The following TTC7A variants were observed in gnomAD, a reference collection of about 807,000 sequenced individuals.
TTC7A encodes tetratricopeptide repeat domain 7A, also known as tetratricopeptide repeat protein 7A.
In TTC7A, 110 loss-of-function variants were observed where a neutral mutation model predicts 103.7. That is an observed-to-expected ratio of 1.06 (90% confidence interval 0.91 to 1.24). TTC7A has a LOEUF of 1.24. TTC7A is among the 50% of genes most tolerant of loss of function. TTC7A has a pLI of 0.00. For synonymous variants in TTC7A, 521 were observed against 467.9 expected (o/e 1.11, Z -1.47); for missense variants, 1,340 against 1,116.3 (o/e 1.20, Z -2.86).
chr2:47,068,403 T>C (rs908225356), intron 19 of TTC7A: 1 of 152,200 alleles, frequency 6.6e-6, no homozygotes, highest in Non-Finnish European at 1.5e-5. Context: ...GGCAGGTGGC[T>C]TAGAGGGGTC....
intron 5 of TTC7A, among the ~76,000 whole-genome samples, chr2:46,991,742 A>G (rs757099451): frequency 1.2e-4 from 19 of 152,192 alleles, no homozygotes; most frequent in Non-Finnish European, 2.4e-4. Flanking sequence ...ACACTGAGCT[A>G]AGTGAAGTCT....
chr2:47,057,735 G>A lies in TTC7A; in HGVS notation c.2153-3034G>A, dbSNP rs143975948. On this transcript the variant is annotated intron_variant, in intron 18 of 19. Transcript: ENST00000319190. ...CCCTGGGGGATTCTGCCACAGTGGA[G>A]CCCAGCCCATCTTCCTTGTCCTCTT... 2.4e-3 allele frequency among the ~76,000 whole-genome samples: 365 copies of A among 152,280 alleles called. 4 individuals carry two copies. The highest frequency in any genetic ancestry group is 0.02 in the Admixed American group (302 of 15,304).
At chr2:47,029,527 A>G in intron 15 of TTC7A, 143 bp downstream of exon 15, 1 of 973,650 alleles carries the variant, frequency 1.0e-6, no homozygotes. Context: ...GTGGAGAGAC[A>G]GGGGTGAGGA....
chr2:47,025,979 G>A (rs1029725199), intron 14 of TTC7A, among the ~76,000 whole-genome samples: 3 of 152,228 alleles, frequency 2.0e-5, no homozygotes, highest in African/African-American at 7.2e-5. Flanking sequence ...CTTTGGTGAT[G>A]CATTTTTTAA....
intron 2 of TTC7A, among the ~76,000 whole-genome samples, chr2:46,929,093 G>A (rs1047728361): frequency 1.4e-4 from 22 of 152,146 alleles, no homozygotes; most frequent in African/African-American, 5.3e-4. Flanking sequence ...AACCTGGAAG[G>A]TGGAGGTTGG....
intron 1 of TTC7A, among the ~76,000 whole-genome samples, chr2:46,946,490 C>T (rs995018483): frequency 4.6e-5 from 7 of 152,176 alleles, no homozygotes; most frequent in Non-Finnish European, 1.0e-4. Context: ...GTGGCACAGT[C>T]ATGGCTCCCT....
chr2:47,057,199 G>A (rs1217006984), intron 18 of TTC7A, among the ~76,000 whole-genome samples: 1 of 152,234 alleles, frequency 6.6e-6, no homozygotes, highest in Non-Finnish European at 1.5e-5. Flanking sequence ...TTGGGCCTGT[G>A]TGCAGGTCAG....
At position 47,060,836 on chromosome 2, in the gene TTC7A, C is replaced by T; in HGVS notation, c.2220C>T (p.Leu740=). Residue 740 remains leucine (L), a synonymous_variant, in exon 19 of 20, where the codon CTC becomes CTT. Transcript: ENST00000319190. ...TCTGCATCCAGGAGGCGGCGGGCCT[C>T]TTCCCCACTTCTCACTCAGTACTCT... The part of the protein sequence containing the change: ...AGFCIQEAAG[L]FPTSHSVLYM... The T allele has an allele frequency of 6.2e-7, 1 of 1,614,022 alleles. No homozygotes were observed. Among genetic ancestry groups the T allele is most frequent in the Non-Finnish European group, 8.5e-7 (1 of 1,179,878 alleles).
At chr2:46,921,958 G>C (rs1669127381) in intron 2 of TTC7A, among the ~76,000 whole-genome samples, 1 of 152,320 alleles carries the variant, frequency 6.6e-6, no homozygotes, top group South Asian at 2.1e-4. Flanking sequence ...ACCCACACTA[G>C]TTGGGGGGTG....
At chr2:47,064,486 C>G (rs1684031007) in intron 19 of TTC7A, among the ~76,000 whole-genome samples, 1 of 152,176 alleles carries the variant, frequency 6.6e-6, no homozygotes, top group African/African-American at 2.4e-5. Flanking sequence ...AGGCAGAGGC[C>G]CTCCCAGAAT....
chr2:46,918,829 G>A (rs1251978305), intron 2 of TTC7A, among the ~76,000 whole-genome samples: 4 of 152,166 alleles, frequency 2.6e-5, no homozygotes, highest in African/African-American at 9.6e-5. Flanking sequence ...GCAACTCTAC[G>A]TTGGAAATAA....
At chr2:46,989,109 G>A (rs576204154) in intron 5 of TTC7A, among the ~76,000 whole-genome samples, 9 of 152,268 alleles carry the variant, frequency 5.9e-5, no homozygotes, top group Non-Finnish European at 7.4e-5. Context: ...TAGGGGACTG[G>A]GGAGCTTGCC....
intron 15 of TTC7A, among the ~76,000 whole-genome samples, chr2:47,042,104 A>G (rs906903135): frequency 5.9e-5 from 9 of 152,168 alleles, no homozygotes; most frequent in Admixed American, 2.0e-4. Flanking sequence ...TGATGAATAA[A>G]GGTCCTTTTG....
chr2:47,024,234 C>A, intron 13 of TTC7A, 53 bp from the exon 14 acceptor site: 1 of 1,491,192 alleles, frequency 6.7e-7, no homozygotes, highest in Non-Finnish European at 9.1e-7. Flanking sequence ...CCGAGTCACA[C>A]GTTGGTCACT....
intron 11 of TTC7A, among the ~76,000 whole-genome samples, chr2:47,014,032 G>A (rs1025920849): frequency 6.6e-6 from 1 of 152,162 alleles, no homozygotes; most frequent in Non-Finnish European, 1.5e-5. Flanking sequence ...GATCATCTGT[G>A]TTTCTTGAGT....
At chr2:46,934,920 C>T (rs1247261026) in intron 2 of TTC7A, among the ~76,000 whole-genome samples, 1 of 150,852 alleles carries the variant, frequency 6.6e-6, no homozygotes, top group Admixed American at 6.6e-5. Context: ...CTTGCCTCAG[C>T]CTCCTGAGTA....
chr2:47,026,716 C>T (rs777660035), intron 14 of TTC7A, among the ~76,000 whole-genome samples: 3 of 152,186 alleles, frequency 2.0e-5, no homozygotes, highest in Non-Finnish European at 4.4e-5. Context: ...GGGAAACGCA[C>T]ACTTTAAAAG....
upstream of TTC7A, among the ~76,000 whole-genome samples, chr2:46,940,512 CCTG>C (rs1294237335): frequency 1.3e-5 from 2 of 152,182 alleles, no homozygotes; most frequent in Non-Finnish European, 2.9e-5. This position sits in a 1 kb window ranked among gnomAD's most constrained non-coding sequence, Gnocchi z 4.7. Flanking sequence ...TGGGCTAAAC[CCTG>C]CTAAGCACTC....
intron 15 of TTC7A, among the ~76,000 whole-genome samples, chr2:47,038,295 C>T (rs1681353081): frequency 6.6e-6 from 1 of 151,706 alleles, no homozygotes; most frequent in Admixed American, 6.6e-5. Context: ...AGCTGAGGCT[C>T]TGTGACTTGC....
Sources: allele counts gnomAD v4.1 joint callset (sites outside exome capture counted in the v4.1 genomes callset), GRCh38; gene constraint gnomAD v4.1.1; non-coding constraint Gnocchi (gnomAD v3.1); transcripts MANE v1.5; gene names NCBI Gene and HGNC (gene_info 2026-07-23, HGNC 2026-07-21).